DPF3: variants seen among roughly 807,000 people sequenced by gnomAD.
The protein encoded by DPF3 is zinc finger protein DPF3.
Under a neutral mutation model 56.8 loss-of-function variants are expected in DPF3, and 18 were observed. That is an observed-to-expected ratio of 0.32 (90% CI 0.22 to 0.47). DPF3 has a LOEUF of 0.47. Among genes scored for constraint, DPF3 ranks in the 20% least tolerant of loss-of-function variants. The probability of loss-of-function intolerance (pLI) is 1.00; values close to 1 mark genes in which losing one functional copy is unlikely to be tolerated. For synonymous variants in DPF3, 188 were observed against 180.2 expected (o/e 1.04, Z -0.35); for missense variants, 403 against 488.8 (o/e 0.82, Z 1.65).
intron 1 of DPF3, among the ~76,000 whole-genome samples, chr14:72,850,333 A>G (rs548326018): frequency 1.9e-4 from 29 of 151,886 alleles, no homozygotes; most frequent in Non-Finnish European, 3.4e-4. Flanking sequence ...CCAACTCCCT[A>G]TTCTTCGTCT....
chr14:72,826,788 G>A (rs1883821935), intron 1 of DPF3, among the ~76,000 whole-genome samples: 1 of 152,080 alleles, frequency 6.6e-6, no homozygotes, highest in African/African-American at 2.4e-5. Context: ...CACGCCTGTA[G>A]TTCCAGCACT....
Position 72,640,046 on chromosome 14 carries a change from TAAAAAAAAAAAAAAAAAAA to T in DPF3, c.872-10329_872-10311del, listed in dbSNP as rs370070354. ...AAAGGATAAATAGGAGTTTTCTAAGTAAAAAAAAAAAAAAAAAAAAAAAAAAAAAAAAAATGGAAACAGC... is the reference window on the plus strand; with the variant it reads ...AAAGGATAAATAGGAGTTTTCTAAGTAAAAAAAAAAAAAAATGGAAACAGC... On this transcript the variant is annotated intron_variant, in intron 8 of 10. Coordinates refer to ENST00000556509, the MANE Select transcript of DPF3 (RefSeq NM_001280542.3). Among the ~76,000 whole-genome samples the T allele has an allele frequency of 8.3e-3, 377 of 45,292 alleles. 5 individuals are homozygous for T. Among genetic ancestry groups the T allele is most frequent in the African/African-American group, 0.032 (351 of 11,032 alleles). The allele number at this position is 45,292 out of a possible 152,430, so 29.7% of individuals were successfully genotyped here.
intron 1 of DPF3, among the ~76,000 whole-genome samples, chr14:72,796,044 T>A (rs1016363140): frequency 5.9e-5 from 9 of 152,256 alleles, no homozygotes; most frequent in African/African-American, 2.2e-4. Context: ...GAACGAAGAC[T>A]TTATCTTACA....
At chr14:72,714,378 G>A (rs1203232859) in intron 6 of DPF3, 45 bp downstream of exon 6, 4 of 1,607,772 alleles carry the variant, frequency 2.5e-6, no homozygotes, top group Middle Eastern at 3.3e-4. Flanking sequence ...GGCCCTGGGG[G>A]CAGGCGCACA....
At chr14:72,756,826 A>AAGAG (rs1190716419) in intron 2 of DPF3, among the ~76,000 whole-genome samples, 5,639 of 59,820 alleles carry the variant, frequency 0.094, 182 homozygotes, top group South Asian at 0.21. Flanking sequence ...GAAAGACAGA[A>AAGAG]AGAAAGAAAG....
At chr14:72,621,634 A>G (rs1211849436) in intron 9 of DPF3, among the ~76,000 whole-genome samples, 1 of 152,212 alleles carries the variant, frequency 6.6e-6, no homozygotes. Context: ...CTGCTATGTA[A>G]GAGTAGATAC....
intron 3 of DPF3, among the ~76,000 whole-genome samples, chr14:72,735,664 T>C (rs1230837556): frequency 2.6e-5 from 4 of 152,172 alleles, no homozygotes; most frequent in South Asian, 4.1e-4. Flanking sequence ...ATTACCACAA[T>C]AGTTGATTTG....
At chr14:72,800,502 ATGCATGGATGGATGGATGGT>A (rs998501078) in intron 1 of DPF3, among the ~76,000 whole-genome samples, 7 of 152,002 alleles carry the variant, frequency 4.6e-5, no homozygotes, top group African/African-American at 7.3e-5. Flanking sequence ...GGATGGATGG[ATGCATGGATGGATGGATGGT>A]TGCATGGATG....
intron 1 of DPF3, among the ~76,000 whole-genome samples, chr14:72,850,246 TG>T (rs1884921483): frequency 6.6e-6 from 1 of 152,170 alleles, no homozygotes; most frequent in South Asian, 2.1e-4. Flanking sequence ...TGGCTTGGGT[TG>T]AATGTGAACA....
chr14:72,880,995 G>GTA (rs1387795119), intron 1 of DPF3, among the ~76,000 whole-genome samples: 2 of 152,170 alleles, frequency 1.3e-5, no homozygotes, highest in African/African-American at 4.8e-5. Context: ...CTTTCAGATT[G>GTA]TACCTATGGT....
In DPF3 at chr14:72,625,549, A is replaced by G. The variant is rs548719665; in HGVS notation, c.984+4075T>C. Among the ~76,000 whole-genome samples the G allele has an allele frequency of 3.3e-5, 5 of 152,276 alleles. No homozygotes were observed. The South Asian group carries it at 1.0e-3, about 32-fold the overall frequency. ...CTAAGGATCCATGGTTCTTTTTATG[A>G]GAGAATGGTGTTTAGAAACCAATTC... On this transcript the variant is annotated intron_variant, in intron 9 of 10. Coordinates refer to ENST00000556509, the MANE Select transcript of DPF3 (RefSeq NM_001280542.3).
At position 72,618,149 on chromosome 14, in the gene DPF3, T is replaced by G. The variant is rs569520234; in HGVS notation, c.*1148A>C. Among the ~76,000 whole-genome samples, 5 of 152,268 alleles carry G rather than the reference T, an allele frequency of 3.3e-5. No individual in the cohort carries two copies. In the East Asian group the frequency reaches 9.7e-4, roughly 29 times the overall value. On this transcript the variant is annotated 3_prime_UTR_variant, in exon 11 of 11. Coordinates refer to ENST00000556509, the MANE Select transcript of DPF3 (RefSeq NM_001280542.3). ...TGAGAGTTCTAAAATGTGGCCACCCTGGTCGTGAATAATGACCATGTCACC... is the reference window on the plus strand; with the variant it reads ...TGAGAGTTCTAAAATGTGGCCACCCGGGTCGTGAATAATGACCATGTCACC...
chr14:72,784,709 A>T (rs1892137479), intron 1 of DPF3, among the ~76,000 whole-genome samples: 1 of 152,154 alleles, frequency 6.6e-6, no homozygotes, highest in African/African-American at 2.4e-5. Flanking sequence ...CTGTAATCCT[A>T]ACACTTTGGG....
intron 2 of DPF3, among the ~76,000 whole-genome samples, chr14:72,757,026 GGGGAGAGA>G (rs1160244767): frequency 4.4e-5 from 6 of 136,164 alleles, no homozygotes; most frequent in Admixed American, 2.9e-4. Context: ...AGGGGAAGAA[GGGGAGAGA>G]GGGAGAGAGG....
rs1884032881 is a variant in DPF3, at chr14:72,615,401, T to C, written c.*3896A>G. ...AGGAAAAGTAATAACAATCATCTCA[T>C]TTTTCTTCCTTAAAACATCAAAACT... is the stretch of plus-strand genomic sequence containing the variant. On this transcript the variant is annotated 3_prime_UTR_variant, in exon 11 of 11. Coordinates refer to ENST00000556509, the MANE Select transcript of DPF3 (RefSeq NM_001280542.3). Among the ~76,000 whole-genome samples the C allele has an allele frequency of 6.6e-6, 1 of 152,146 alleles. No homozygotes were observed. Among genetic ancestry groups the C allele is most frequent in the Non-Finnish European group, 1.5e-5 (1 of 68,004 alleles).
intron 1 of DPF3, among the ~76,000 whole-genome samples, chr14:72,819,538 A>G (rs1247953023): frequency 6.6e-6 from 1 of 151,300 alleles, no homozygotes; most frequent in African/African-American, 2.4e-5. Flanking sequence ...CTGCATTGGT[A>G]TCAGGACTGA....
intron 3 of DPF3, 77 bp downstream of exon 3, chr14:72,753,187 C>T: frequency 2.1e-6 from 3 of 1,413,450 alleles, no homozygotes; most frequent in Non-Finnish European, 2.9e-6. Flanking sequence ...AAGGAGCAAA[C>T]CAACCTTGTC....
intron 1 of DPF3, among the ~76,000 whole-genome samples, chr14:72,786,699 G>A (rs1942604314): frequency 6.6e-6 from 1 of 152,178 alleles, no homozygotes; most frequent in South Asian, 2.1e-4. Flanking sequence ...GAGTCACACA[G>A]CTTAAGCAGA....
chr14:72,868,409 G>A (rs781356000), intron 1 of DPF3, among the ~76,000 whole-genome samples: 7 of 152,180 alleles, frequency 4.6e-5, no homozygotes, highest in Non-Finnish European at 8.8e-5. Flanking sequence ...CACATTTAAA[G>A]CATCCCTTTG....
Sources: gnomAD v4.1 joint callset for allele counts (sites outside exome capture counted in the v4.1 genomes callset) on GRCh38, gnomAD v4.1.1 for gene constraint, MANE v1.5 for transcripts, NCBI Gene and HGNC (gene_info 2026-07-23, HGNC 2026-07-21) for gene names.